STXBP5: variants seen among roughly 807,000 people sequenced by gnomAD.
STXBP5 encodes syntaxin binding protein 5.
In STXBP5, 50 loss-of-function variants were observed where a neutral mutation model predicts 152.4. The observed-to-expected ratio is 0.33, with a 90% CI of 0.26 to 0.42. The LOEUF (loss-of-function observed/expected upper bound fraction) is 0.42, where lower values mean the gene tolerates loss of function less well. Ranked by LOEUF, STXBP5 falls within the 10% of genes least tolerant of loss-of-function variation. The probability of loss-of-function intolerance (pLI) is 1.00; values close to 1 mark genes in which losing one functional copy is unlikely to be tolerated. For synonymous variants in STXBP5, 492 were observed against 494.7 expected (o/e 0.99, Z 0.07); for missense variants, 1,167 against 1,388.6 (o/e 0.84, Z 2.54).
At chr6:147,270,192 A>G (rs1210054513) in intron 7 of STXBP5, among the ~76,000 whole-genome samples, 1 of 151,948 alleles carries the variant, frequency 6.6e-6, no homozygotes, top group East Asian at 1.9e-4. Context: ...AGGTCAGGAG[A>G]TCGAGACCAT....
chr6:147,330,816 T>C (rs1423302055), intron 18 of STXBP5, among the ~76,000 whole-genome samples: 2 of 152,276 alleles, frequency 1.3e-5, no homozygotes, highest in African/African-American at 2.4e-5. Flanking sequence ...GATGGAAAGA[T>C]TGCTTAAATC....
intron 22 of STXBP5, among the ~76,000 whole-genome samples, chr6:147,356,616 A>T (rs1166618578): frequency 6.6e-6 from 1 of 151,816 alleles, no homozygotes; most frequent in Non-Finnish European, 1.5e-5. Flanking sequence ...ACTACAGTTT[A>T]AAAAAATGAT....
chr6:147,316,077 A>G, intron 15 of STXBP5, 152 bp from the exon 16 acceptor site: 2 of 770,624 alleles, frequency 2.6e-6, no homozygotes, highest in Non-Finnish European at 4.0e-6. Flanking sequence ...TTCTTGCTAA[A>G]TCCTTATTTT....
At chr6:147,237,012 G>A (rs577962733) in intron 3 of STXBP5, among the ~76,000 whole-genome samples, 1 of 152,026 alleles carries the variant, frequency 6.6e-6, no homozygotes, top group East Asian at 1.9e-4. Flanking sequence ...TCCTGACCTC[G>A]TGATCTGCCT....
intron 9 of STXBP5, 43 bp from the exon 10 acceptor site, chr6:147,310,041 T>C: frequency 7.6e-7 from 1 of 1,321,224 alleles, no homozygotes; most frequent in Non-Finnish European, 1.0e-6. Flanking sequence ...GAAAATTATC[T>C]TTACTATGCC....
intron 23 of STXBP5, among the ~76,000 whole-genome samples, chr6:147,362,275 GAAAAT>G (rs1785103395): frequency 6.6e-6 from 1 of 151,978 alleles, no homozygotes; most frequent in East Asian, 1.9e-4. Flanking sequence ...AGAAATAAAA[GAAAAT>G]AATATGTGGA....
chr6:147,286,323 G>C (rs1197095117), intron 8 of STXBP5, among the ~76,000 whole-genome samples: 7 of 152,052 alleles, frequency 4.6e-5, no homozygotes, highest in African/African-American at 1.7e-4. Flanking sequence ...TTATTCTCTA[G>C]GATCTTAAAT....
rs1225556893 is a variant in STXBP5 at position 147,359,308 on chromosome 6, A to G, written c.2530A>G (p.Ile844Val). Residue 844 changes from isoleucine to valine, a missense_variant, in exon 23 of 28, where the codon ATT (isoleucine) becomes GTT (valine). Physicochemically the swap from Ile to Val is conservative, Grantham distance 29. Coordinates refer to ENST00000321680, the MANE Select transcript of STXBP5 (RefSeq NM_001127715.4). ...AGAGCAAAGACTTCTTCAGCCAGTA[A>G]TTGTGTCTCCAAGTGGTATGTATTG... ...GGEQRLLQPV[I>V]VSPSGTILRL... The G allele has an allele frequency of 5.6e-6, 9 of 1,613,528 alleles. No individual in the cohort carries two copies. Among genetic ancestry groups the G allele is most frequent in the Non-Finnish European group, 7.6e-6 (9 of 1,179,628 alleles).
chr6:147,336,141 G>GT (rs201925453), intron 19 of STXBP5, among the ~76,000 whole-genome samples: 43 of 151,900 alleles, frequency 2.8e-4, no homozygotes, highest in South Asian at 6.2e-4. Flanking sequence ...AGGAAATACT[G>GT]TTTTTTTTAC....
chr6:147,342,204 G>A (rs942206532), intron 21 of STXBP5, among the ~76,000 whole-genome samples: 4 of 152,312 alleles, frequency 2.6e-5, no homozygotes, highest in Admixed American at 1.3e-4. Context: ...GTTAGAGCCA[G>A]ATCATGGATG....
intron 6 of STXBP5, among the ~76,000 whole-genome samples, chr6:147,265,831 G>A (rs973726153): frequency 7.2e-5 from 11 of 151,944 alleles, no homozygotes; most frequent in South Asian, 2.1e-4. Context: ...TCCTTGCCCC[G>A]ATATCCCGGT....
In STXBP5 at chr6:147,298,385, A is replaced by G. The variant is rs370220812; in HGVS notation, c.917+7213A>G. ...AGAGAAACTGCAGTAGGTAAGTAGT[A>G]GAGGAATTCAACACCCTACTTTCAG... On this transcript the variant is annotated intron_variant, in intron 9 of 27. Coordinates refer to ENST00000321680, the MANE Select transcript of STXBP5 (RefSeq NM_001127715.4). Among the ~76,000 whole-genome samples the G allele has an allele frequency of 2.6e-5, 4 of 152,214 alleles. No homozygotes were observed. In the East Asian group the frequency reaches 5.8e-4, roughly 22 times the overall value.
chr6:147,213,479 C>CGCGCG (rs1776995273), intron 2 of STXBP5, among the ~76,000 whole-genome samples: 1 of 94,256 alleles, frequency 1.1e-5, no homozygotes, highest in Admixed American at 1.0e-4. Flanking sequence ...TGTGTGTGTG[C>CGCGCG]GCGCGCATAT....
chr6:147,350,904 G>A (rs975280115), intron 21 of STXBP5, among the ~76,000 whole-genome samples: 2 of 152,148 alleles, frequency 1.3e-5, no homozygotes. Context: ...AGTTTAGAGA[G>A]GCAAAGTGAT....
intron 8 of STXBP5, among the ~76,000 whole-genome samples, chr6:147,289,305 A>G (rs1341224198): frequency 2.0e-5 from 3 of 152,170 alleles, no homozygotes; most frequent in African/African-American, 7.2e-5. Flanking sequence ...TAGTTTCCCT[A>G]GCCATTCATA....
At chr6:147,311,409 C>T (rs777401809) in intron 10 of STXBP5, 46 bp from the exon 11 acceptor site, 1 of 1,481,716 alleles carries the variant, frequency 6.7e-7, no homozygotes, top group African/African-American at 1.4e-5. Context: ...AATTTGCTGT[C>T]CACTTGCATT....
In STXBP5 at chr6:147,358,528, A is replaced by G. The variant is rs189985972; in HGVS notation, c.2306-556A>G. On this transcript the variant is annotated intron_variant, in intron 22 of 27. Transcript: ENST00000321680. ...TAAAAGTAAATTGTTTTTGTTTTCA[A>G]TTGTACTTGACCTTTAAACAATGCA... 1.2e-3 allele frequency among the ~76,000 whole-genome samples: 183 copies of G among 152,300 alleles called. 2 individuals carry two copies. The highest frequency in any genetic ancestry group is 1.4e-3 in the Non-Finnish European group (92 of 68,030).
intron 7 of STXBP5, among the ~76,000 whole-genome samples, chr6:147,267,921 C>T (rs1243454964): frequency 6.6e-6 from 1 of 152,092 alleles, no homozygotes; most frequent in African/African-American, 2.4e-5. Flanking sequence ...TCTGTCTTTC[C>T]TTCTCTACTT....
chr6:147,260,546 C>A (rs1031076192), intron 4 of STXBP5, 69 bp from the exon 5 acceptor site: 7 of 1,568,860 alleles, frequency 4.5e-6, no homozygotes, highest in Non-Finnish European at 6.1e-6. Flanking sequence ...TCATAATCAA[C>A]CCTCTAATGC....
Sources: gnomAD v4.1 joint callset for allele counts (sites outside exome capture counted in the v4.1 genomes callset) on GRCh38, gnomAD v4.1.1 for gene constraint, MANE v1.5 for transcripts, NCBI Gene and HGNC (gene_info 2026-07-23, HGNC 2026-07-21) for gene names.